The following EMX1 variants were observed in gnomAD, a reference collection of about 807,000 sequenced individuals.
EMX1 encodes the protein homeobox protein EMX1.
EMX1 carries 10 observed loss-of-function variants against 20.1 expected under a neutral mutation model. The observed-to-expected ratio is 0.50, with a 90% CI of 0.31 to 0.84. EMX1 has a LOEUF of 0.84. EMX1 is among the 40% of genes least tolerant of loss of function. EMX1 has a pLI of 0.05. For synonymous variants in EMX1, 250 were observed against 200.4 expected, an observed-to-expected ratio of 1.25 and a Z score of -2.09; for missense variants, 424 against 431.9, an observed-to-expected ratio of 0.98 and a Z score of 0.16.
In EMX1 at chr2:72,917,694, G is replaced by A; in HGVS notation, c.-159G>A. The A allele has an allele frequency of 1.6e-6, 1 of 621,198 alleles. No homozygotes were observed. Among genetic ancestry groups the A allele is most frequent in the Non-Finnish European group, 2.2e-6 (1 of 459,048 alleles). The allele number at this position is 621,198 out of a possible 1,614,324, so 38.5% of individuals were successfully genotyped here. On this transcript the variant is annotated 5_prime_UTR_variant, in exon 1 of 3. Transcript: ENST00000258106. ...CGCGCCTGTGCGGGCGCCTGGAGCT[G>A]CCCGCTCCGCCGCAGCAGCCGCCGC...
upstream of EMX1, chr2:72,916,793 G>A (rs979129871): frequency 1.8e-4 from 130 of 717,366 alleles, no homozygotes; most frequent in Non-Finnish European, 2.8e-4. Context: ...AGAAGGCGAG[G>A]GGGTGGATCT....
chr2:72,926,004 C>A (rs1671194286), intron 2 of EMX1: 8 of 985,260 alleles, frequency 8.1e-6, no homozygotes, highest in Non-Finnish European at 8.4e-6. Flanking sequence ...ACTCCCTTTT[C>A]CCTCCTGGCA....
intron 1 of EMX1, 73 bp downstream of exon 1, chr2:72,918,445 G>A (rs962893249): frequency 7.4e-7 from 1 of 1,346,902 alleles, no homozygotes; most frequent in Non-Finnish European, 9.5e-7. Context: ...GGAGGCTCGG[G>A]GGCGCGCGGG....
chr2:72,918,520 A>C (rs1186406654), intron 1 of EMX1, 148 bp downstream of exon 1: 1 of 1,181,584 alleles, frequency 8.5e-7, no homozygotes, highest in Non-Finnish European at 1.1e-6. Flanking sequence ...GGCAGGGAAG[A>C]GCTGTGCGGC....
In EMX1 at chr2:72,934,074, G is replaced by C; in HGVS notation, c.*120G>C. 1 of 1,357,196 alleles carries C rather than the reference G, an allele frequency of 7.4e-7. No individual in the cohort carries two copies. Among genetic ancestry groups the C allele is most frequent in the Non-Finnish European group, 9.9e-7 (1 of 1,010,414 alleles). 84.1% of individuals were successfully genotyped at this position (1,357,196 alleles called of 1,614,324 possible). A position where few individuals can be genotyped will look rare whatever the true frequency, so the allele number is the denominator to read the frequency against. On this transcript the variant is annotated 3_prime_UTR_variant, in exon 3 of 3. Transcript: ENST00000258106. ...AGGCTTTGGGGAGGCCTGGAGTCATGGCCCCACAGGGCTTGAAGCCCGGGG... is the reference window on the plus strand; with the variant it reads ...AGGCTTTGGGGAGGCCTGGAGTCATCGCCCCACAGGGCTTGAAGCCCGGGG...
At chr2:72,932,164 C>A (rs1358309148) in intron 2 of EMX1, among the ~76,000 whole-genome samples, 1 of 152,226 alleles carries the variant, frequency 6.6e-6, no homozygotes, top group Non-Finnish European at 1.5e-5. Flanking sequence ...CTGCCAAAAC[C>A]AAGAGGCTAC....
Position 72,917,839 on chromosome 2 carries a change from G to A in EMX1, c.-14G>A. 1.5e-6 allele frequency: 2 copies of A among 1,376,570 alleles called. No homozygotes were observed. Among genetic ancestry groups the A allele is most frequent in the South Asian group, 3.3e-5 (2 of 59,722 alleles). The allele number at this position is 1,376,570 out of a possible 1,614,324, so 85.3% of individuals were successfully genotyped here. A position where few individuals can be genotyped will look rare whatever the true frequency, so the allele number is the denominator to read the frequency against. Reference sequence around the variant, plus strand: ...CGGGCGGGCGGGGGAGGTGAGGGGTGCGGGCGGGTGTGCATGTGCCTGGCT... The same window carrying A: ...CGGGCGGGCGGGGGAGGTGAGGGGTACGGGCGGGTGTGCATGTGCCTGGCT... On this transcript the variant is annotated 5_prime_UTR_variant, in exon 1 of 3. Transcript: ENST00000258106.
In EMX1 at chr2:72,917,944, C is replaced by G; in HGVS notation, c.92C>G (p.Ala31Gly). Residue 31 changes from alanine (A) to glycine (G), a missense_variant, in exon 1 of 3, where the codon GCT (alanine) becomes GGT (glycine). Around this residue, in one of 2 missense-constraint regions of EMX1, gnomAD observed 333 missense variants for 296.6 expected, o/e 1.12. Coordinates refer to ENST00000258106, the MANE Select transcript of EMX1 (RefSeq NM_004097.3). ...RARLPRTAPA[A>G]ATMFQPAAKR... Reference sequence around the variant, plus strand: ...CGGCTGCCTCGCACAGCTCCCGCGGCTGCGACCATGTTCCAGCCCGCGGCC... The same window carrying G: ...CGGCTGCCTCGCACAGCTCCCGCGGGTGCGACCATGTTCCAGCCCGCGGCC... 1.3e-6 allele frequency: 2 copies of G among 1,486,576 alleles called. No homozygotes were observed. The highest frequency in any genetic ancestry group is 2.9e-5 in the East Asian group (1 of 34,170). The allele number at this position is 1,486,576 out of a possible 1,614,324, so 92.1% of individuals were successfully genotyped here.
chr2:72,931,075 A>C (rs1671271876), intron 2 of EMX1, among the ~76,000 whole-genome samples: 1 of 152,250 alleles, frequency 6.6e-6, no homozygotes, highest in South Asian at 2.1e-4. Flanking sequence ...GTTCTCCGGA[A>C]GATGGCCAGG....
intron 1 of EMX1, among the ~76,000 whole-genome samples, chr2:72,918,677 C>G (rs891682050): frequency 3.3e-5 from 5 of 152,224 alleles, no homozygotes; most frequent in African/African-American, 1.2e-4. Flanking sequence ...CTGCCCAATT[C>G]TCTCTCCCAG....
At chr2:72,916,643 G>C (rs777261566), upstream of EMX1, 1 of 705,676 alleles carries the variant, frequency 1.4e-6, no homozygotes, top group African/African-American at 1.7e-5. Context: ...GGGAGGTCAG[G>C]CTGCTTCTGC....
At chr2:72,923,016 T>A (rs755530485) in intron 1 of EMX1, among the ~76,000 whole-genome samples, 14 of 152,108 alleles carry the variant, frequency 9.2e-5, no homozygotes, top group Non-Finnish European at 1.9e-4. Flanking sequence ...AATCCATGGG[T>A]GATTTTGTCA....
chr2:72,920,900 T>G (rs1010625729), intron 1 of EMX1, among the ~76,000 whole-genome samples: 6 of 152,152 alleles, frequency 3.9e-5, no homozygotes, highest in Non-Finnish European at 7.4e-5. Context: ...GAGGGGGCTG[T>G]AGAGACCCAG....
intron 2 of EMX1, chr2:72,933,446 C>G (rs932419494): frequency 3.6e-6 from 1 of 276,836 alleles, no homozygotes; most frequent in Non-Finnish European, 6.8e-6. Context: ...AGTCCCATGT[C>G]TGCCGGCTTC....
Position 72,918,231 on chromosome 2 carries a change from G to A in EMX1, c.379G>A (p.Ala127Thr), listed in dbSNP as rs763958491. 3.5e-5 allele frequency: 56 copies of A among 1,580,744 alleles called. No individual in the cohort carries two copies. Among genetic ancestry groups the A allele is most frequent in the Non-Finnish European group, 4.4e-5 (52 of 1,173,680 alleles). Reference sequence around the variant, plus strand: ...GTTCCCCGAGGCCATGAACCACCCCGCGCTGACCGTGCATCCGGCGCACCA... The same window carrying A: ...GTTCCCCGAGGCCATGAACCACCCCACGCTGACCGTGCATCCGGCGCACCA... ...LVFPEAMNHP[A>T]LTVHPAHQLG... The change falls in exon 1 of 3, where the codon GCG becomes ACG. Residue 127 changes from alanine to threonine, a missense_variant. This residue lies in a region of EMX1 where 333 missense variants were observed against 296.6 expected (regional missense o/e 1.12). Coordinates refer to ENST00000258106, the MANE Select transcript of EMX1 (RefSeq NM_004097.3).
rs1179533347 is a variant in EMX1 at position 72,934,150 on chromosome 2, T to C, written c.*196T>C. 3 of 775,226 alleles carry C rather than the reference T, an allele frequency of 3.9e-6. No homozygotes were observed. Among genetic ancestry groups the C allele is most frequent in the Non-Finnish European group, 5.8e-6 (3 of 513,386 alleles). 48.0% of individuals were successfully genotyped at this position (775,226 alleles called of 1,614,324 possible). On this transcript the variant is annotated 3_prime_UTR_variant, in exon 3 of 3. Transcript: ENST00000258106. Reference sequence around the variant, plus strand: ...TGGGCTGGCTGAGGCCTGGGACCACTTGGCCTTCTCCTCGGAGAGCCTGCC... The same window carrying C: ...TGGGCTGGCTGAGGCCTGGGACCACCTGGCCTTCTCCTCGGAGAGCCTGCC...
upstream of EMX1, chr2:72,916,848 C>T: frequency 1.4e-6 from 1 of 717,216 alleles, no homozygotes; most frequent in Non-Finnish European, 2.6e-6. Context: ...GGTCGCGGCA[C>T]CGTGTCTGGG....
In EMX1 at chr2:72,917,698, G is replaced by A. The variant is rs1670991884; in HGVS notation, c.-155G>A. On this transcript the variant is annotated 5_prime_UTR_variant, in exon 1 of 3. Coordinates refer to ENST00000258106, the MANE Select transcript of EMX1 (RefSeq NM_004097.3). ...CCTGTGCGGGCGCCTGGAGCTGCCC[G>A]CTCCGCCGCAGCAGCCGCCGCGCCT... 1 of 666,480 alleles carries A rather than the reference G, an allele frequency of 1.5e-6. No individual in the cohort carries two copies. The highest frequency in any genetic ancestry group is 2.0e-6 in the Non-Finnish European group (1 of 498,880). The allele number at this position is 666,480 out of a possible 1,614,324, so 41.3% of individuals were successfully genotyped here.
chr2:72,931,456 G>A (rs566610801), intron 2 of EMX1, among the ~76,000 whole-genome samples: 13 of 152,284 alleles, frequency 8.5e-5, no homozygotes, highest in African/African-American at 2.6e-4. Context: ...ATGACACCCC[G>A]GCCCTGCATC....
Sources: allele counts gnomAD v4.1 joint callset (sites outside exome capture counted in the v4.1 genomes callset), GRCh38; gene constraint gnomAD v4.1.1; regional missense constraint gnomAD v4.1.1; transcripts MANE v1.5; gene names NCBI Gene and HGNC (gene_info 2026-07-23, HGNC 2026-07-21).